Variants in PBXIP1 observed in about 807,000 individuals in gnomAD.
The protein encoded by PBXIP1 is pre-B-cell leukemia transcription factor-interacting protein 1.
A neutral mutation model predicts 73.7 loss-of-function variants in PBXIP1; 73 were observed. The ratio of observed to expected loss-of-function variants is 0.99; its 90% CI spans 0.82 to 1.20. The LOEUF (loss-of-function observed/expected upper bound fraction) is 1.20, where lower values mean the gene tolerates loss of function less well. PBXIP1 is among the 50% of genes most tolerant of loss of function. The pLI is 0.00. For missense variants in PBXIP1, 818 were observed against 911.4 expected (o/e 0.90, Z 1.32); for synonymous variants, 330 against 366.9 (o/e 0.90, Z 1.15).
intron 2 of PBXIP1, 99 bp downstream of exon 2, chr1:154,953,572 C>G: frequency 1.4e-6 from 1 of 727,092 alleles, no homozygotes; most frequent in East Asian, 2.6e-5. Context: ...TGTAGGTGAC[C>G]ATCAGGACTA....
At chr1:154,954,873 A>G in intron 1 of PBXIP1, 5 of 550,440 alleles carry the variant, frequency 9.1e-6, no homozygotes, top group Admixed American at 6.3e-5. Flanking sequence ...CCCTCAGAAC[A>G]GGATAAATGA....
chr1:154,945,743 C>T lies in PBXIP1; in HGVS notation c.1931G>A (p.Gly644Asp). The T allele has an allele frequency of 6.2e-7, 1 of 1,614,256 alleles. No homozygotes were observed. Among genetic ancestry groups the T allele is most frequent in the Non-Finnish European group, 8.5e-7 (1 of 1,180,042 alleles). ...GTCATGACGGAAGATGCCATCCTCACCAAAGAAAGCAGGTGAGAGGGGTAG... is the reference window on the plus strand; with the variant it reads ...GTCATGACGGAAGATGCCATCCTCATCAAAGAAAGCAGGTGAGAGGGGTAG... Reference protein sequence around the residue: ...KELPLSPAFFGEDGIFRHDRL... With the variant: ...KELPLSPAFFDEDGIFRHDRL... Residue 644 changes from glycine to aspartate, a missense_variant, in exon 10 of 11, where the codon GGT (glycine) becomes GAT (aspartate). Gly to Asp is a moderately conservative substitution (Grantham distance 94). Transcript: ENST00000368463.
chr1:154,952,850 C>G (rs1308692904), intron 2 of PBXIP1, among the ~76,000 whole-genome samples: 1 of 152,124 alleles, frequency 6.6e-6, no homozygotes, highest in Non-Finnish European at 1.5e-5. Flanking sequence ...CTTGCTCCAG[C>G]GTCATCCCCA....
chr1:154,955,820 T>G (rs1320670101), intron 1 of PBXIP1, among the ~76,000 whole-genome samples: 1 of 152,138 alleles, frequency 6.6e-6, no homozygotes, highest in Non-Finnish European at 1.5e-5. Flanking sequence ...AGCTAGGAAG[T>G]CTCGCCTCTA....
At chr1:154,952,027 G>C (rs892841625) in intron 2 of PBXIP1, 106 bp from the exon 3 acceptor site, 40 of 1,252,726 alleles carry the variant, frequency 3.2e-5, no homozygotes, top group Middle Eastern at 2.8e-4. Context: ...AAAGGGGCTC[G>C]GGGCAGCACC....
At position 154,947,548 on chromosome 1, in the gene PBXIP1, C is replaced by T; in HGVS notation, c.739G>A (p.Asp247Asn). 6.2e-7 allele frequency: 1 copy of T among 1,603,460 alleles called. No individual in the cohort carries two copies. Among genetic ancestry groups the T allele is most frequent in the Non-Finnish European group, 8.5e-7 (1 of 1,173,266 alleles). ...EVLEAVGDRQDGLREQLQAPV... is the reference protein window; with the variant it reads ...EVLEAVGDRQNGLREQLQAPV... ...GCCTGCAGCTGTTCCCTTAGCCCAT[C>T]CTGAGGGCAGAAGAGCCTGTTATGC... The change falls in exon 9 of 11, where the codon GAT (aspartate) becomes AAT (asparagine). Residue 247 changes from aspartate (D) to asparagine (N), a missense_variant and splice_region_variant. Physicochemically the swap from Asp to Asn is conservative, Grantham distance 23. Transcript: ENST00000368463.
chr1:154,951,438 G>T lies in PBXIP1; in HGVS notation c.243+33C>A. 1.2e-6 allele frequency: 2 copies of T among 1,613,824 alleles called. No individual in the cohort carries two copies. Among genetic ancestry groups the T allele is most frequent in the Non-Finnish European group, 1.7e-6 (2 of 1,179,782 alleles). On this transcript the variant is annotated intron_variant, in intron 4 of 10. Transcript: ENST00000368463. This position sits in a 1 kb window ranked among gnomAD's most constrained non-coding sequence, Gnocchi z 4.3. ...CAGTGAGCAGCTGCTAGCCCTCCCC[G>T]CCTCCCTTCCTTCCCACAGCAAATC...
chr1:154,946,585 G>T lies in PBXIP1; in HGVS notation c.1089C>A (p.Asp363Glu), dbSNP rs1012475572. 82 of 1,612,918 alleles carry T rather than the reference G, an allele frequency of 5.1e-5. No individual in the cohort carries two copies. Among genetic ancestry groups the T allele is most frequent in the Non-Finnish European group, 6.5e-5 (77 of 1,179,822 alleles). ...TGGGGCCTTGCTCCCTGATGGCCTT[G>T]TCACCCTGTGGGCCTCTACCCCCAC... ...CLSGGRGPQGDKAIREQGPRE... is the reference protein window; with the variant it reads ...CLSGGRGPQGEKAIREQGPRE... Residue 363 changes from aspartate (D) to glutamate (E), a missense_variant, in exon 10 of 11, where the codon GAC becomes GAA. Physicochemically the swap from Asp to Glu is conservative, Grantham distance 45. Transcript: ENST00000368463.
chr1:154,950,543 C>T (rs1654974168), intron 5 of PBXIP1: 1 of 152,532 alleles, frequency 6.6e-6, no homozygotes, highest in South Asian at 2.1e-4. Context: ...CCTAAATGGC[C>T]CCCAGGCCCT....
chr1:154,954,505 T>G (rs1029309687), intron 1 of PBXIP1, among the ~76,000 whole-genome samples: 32 of 152,266 alleles, frequency 2.1e-4, no homozygotes, highest in Admixed American at 1.2e-3. Context: ...GTCTTCATCC[T>G]AAATTCTGTT....
At position 154,948,253 on chromosome 1, in the gene PBXIP1, G is replaced by A. The variant is rs2101985178; in HGVS notation, c.523C>T (p.Pro175Ser). 6.2e-7 allele frequency: 1 copy of A among 1,612,078 alleles called. No homozygotes were observed. The highest frequency in any genetic ancestry group is 1.3e-5 in the African/African-American group (1 of 75,028). ...REAGPPQPMV[P>S]LAVENQAGGE... ...CCAGCCTGGTTCTCCACAGCCAGGG[G>A]CACCATGGGCTGAGGTGGGCCGGCC... Residue 175 changes from proline to serine, a missense_variant, in exon 6 of 11, where the codon CCC (proline) becomes TCC (serine). Physicochemically the swap from Pro to Ser is moderately conservative, Grantham distance 74. Transcript: ENST00000368463.
intron 2 of PBXIP1, 152 bp from the exon 3 acceptor site, chr1:154,952,073 G>A: frequency 2.6e-6 from 2 of 783,866 alleles, no homozygotes; most frequent in Non-Finnish European, 3.9e-6. Flanking sequence ...CTCACTGCGA[G>A]GAGGAACTTT....
chr1:154,948,826 C>T (rs1654918674), intron 5 of PBXIP1, among the ~76,000 whole-genome samples: 1 of 152,134 alleles, frequency 6.6e-6, no homozygotes, highest in African/African-American at 2.4e-5. Flanking sequence ...CCACTGACAC[C>T]CCCCTTCAGC....
chr1:154,944,947 G>A lies in PBXIP1; in HGVS notation c.*77C>T. On this transcript the variant is annotated 3_prime_UTR_variant, in exon 11 of 11. Transcript: ENST00000368463. ...AGGACACCAAACAAGCCAGGACAGA[G>A]TCCACCCTCCAGGAGTTAGATAACG... 1 of 1,207,692 alleles carries A rather than the reference G, an allele frequency of 8.3e-7. No homozygotes were observed. The highest frequency in any genetic ancestry group is 1.2e-6 in the Non-Finnish European group (1 of 818,220). The allele number at this position is 1,207,692 out of a possible 1,614,324, so 74.8% of individuals were successfully genotyped here. A position where few individuals can be genotyped will look rare whatever the true frequency, so the allele number is the denominator to read the frequency against.
chr1:154,953,676 A>G lies in PBXIP1; in HGVS notation c.46T>C (p.Ser16Pro), dbSNP rs758553869. The change falls in exon 2 of 11, where the codon TCC becomes CCC. Residue 16 changes from serine (S) to proline (P), a missense_variant. Transcript: ENST00000368463. ...DSDNSWVLAG[S>P]ESLPVETLGP... ...CCCAGGCCCGCTCTTCCTACCTCGG[A>G]GCCAGCAAGCACCCAGCTATTATCA... The G allele has an allele frequency of 1.8e-5, 29 of 1,610,998 alleles. No homozygotes were observed. Among genetic ancestry groups the G allele is most frequent in the African/African-American group, 2.7e-5 (2 of 74,716 alleles).
At chr1:154,954,598 T>C (rs567724455) in intron 1 of PBXIP1, among the ~76,000 whole-genome samples, 130 of 152,346 alleles carry the variant, frequency 8.5e-4, no homozygotes, top group Middle Eastern at 3.4e-3. Flanking sequence ...CTATCATGTA[T>C]ATATACATCA....
At chr1:154,950,332 T>G (rs1347639606) in intron 5 of PBXIP1, 1 of 152,318 alleles carries the variant, frequency 6.6e-6, no homozygotes, top group Non-Finnish European at 1.5e-5. Flanking sequence ...CTGCCGCCTA[T>G]TTTTATTTCC....
In PBXIP1 at chr1:154,948,358, T is replaced by A; in HGVS notation, c.418A>T (p.Arg140Trp). The change falls in exon 6 of 11, where the codon AGG becomes TGG. Residue 140 changes from arginine (R) to tryptophan (W), a missense_variant. By Grantham distance (101) the Arg-to-Trp change is moderately radical. Transcript: ENST00000368463. ...LPSTPKAAWI[R>W]EEGRCSSSDD... ...CTGCTGGAGCAGCGGCCCTCCTCCCTGATCCAAGCTAGGGGAAAGGACAGG... is the reference window on the plus strand; with the variant it reads ...CTGCTGGAGCAGCGGCCCTCCTCCCAGATCCAAGCTAGGGGAAAGGACAGG... The A allele has an allele frequency of 6.3e-7, 1 of 1,590,622 alleles. No homozygotes were observed.
In PBXIP1 at chr1:154,944,925, A is replaced by G; in HGVS notation, c.*99T>C. 1 of 925,318 alleles carries G rather than the reference A, an allele frequency of 1.1e-6. No individual in the cohort carries two copies. The highest frequency in any genetic ancestry group is 1.4e-5 in the South Asian group (1 of 70,432). 57.3% of individuals were successfully genotyped at this position (925,318 alleles called of 1,614,324 possible). The stretch of plus-strand genomic sequence containing the variant: ...TCTACTGTGTGAAAGATATCTGAGG[A>G]CACCAAACAAGCCAGGACAGAGTCC... On this transcript the variant is annotated 3_prime_UTR_variant, in exon 11 of 11. Coordinates refer to ENST00000368463, the MANE Select transcript of PBXIP1 (RefSeq NM_020524.4).
Sources: allele counts gnomAD v4.1 joint callset (sites outside exome capture counted in the v4.1 genomes callset), GRCh38; gene constraint gnomAD v4.1.1; non-coding constraint Gnocchi (gnomAD v3.1); transcripts MANE v1.5; gene names NCBI Gene and HGNC (gene_info 2026-07-23, HGNC 2026-07-21).